The following TEPSIN variants were observed in gnomAD, a reference collection of about 807,000 sequenced individuals.
TEPSIN encodes TEPSIN adaptor related protein complex 4 accessory protein.
Under a neutral mutation model 48.5 loss-of-function variants are expected in TEPSIN, and 50 were observed. That is an observed-to-expected ratio of 1.03 (90% confidence interval 0.82 to 1.31). The LOEUF is 1.31. Ranked by LOEUF, TEPSIN falls within the 50% of genes most tolerant of loss-of-function variation. TEPSIN has a pLI of 0.00. For missense variants in TEPSIN, 838 were observed against 815.9 expected, an observed-to-expected ratio of 1.03 and a Z score of -0.33; for synonymous variants, 392 against 358.8, an observed-to-expected ratio of 1.09 and a Z score of -1.05.
rs2062671363 is a variant in TEPSIN, at chr17:81,233,849, C to T, written c.375+132G>A. ...ACTCAGCTGGACACAGGCTCTGTGT[C>T]CACCAGCAAGGAGCAGAGGCAGGGG... is the stretch of plus-strand genomic sequence containing the variant. On this transcript the variant is annotated intron_variant, in intron 5 of 12. Coordinates refer to ENST00000637944, the MANE Select transcript of TEPSIN (RefSeq NM_001363764.2). The surrounding 1 kb of genome is among the most constrained non-coding windows in gnomAD (Gnocchi z 5.8). 5.9e-6 allele frequency: 8 copies of T among 1,366,926 alleles called. No homozygotes were observed. Among genetic ancestry groups the T allele is most frequent in the Non-Finnish European group, 7.9e-6 (8 of 1,013,750 alleles). The allele number at this position is 1,366,926 out of a possible 1,614,324, so 84.7% of individuals were successfully genotyped here.
At chr17:81,229,624 T>A in intron 12 of TEPSIN, 148 bp from the exon 13 acceptor site, 1 of 811,160 alleles carries the variant, frequency 1.2e-6, no homozygotes, top group Non-Finnish European at 2.0e-6. Flanking sequence ...TGGGAGGGGC[T>A]GGGGCAGTGC....
chr17:81,234,230 G>T lies in TEPSIN; in HGVS notation c.308-182C>A. On this transcript the variant is annotated intron_variant, in intron 4 of 12. Transcript: ENST00000637944. This position sits in a 1 kb window ranked among gnomAD's most constrained non-coding sequence, Gnocchi z 5.4. ...GAGGCCACACCTGAGCAGACCCTCA[G>T]CTCCCCCTCACCCATGCCCCACAGA... 1 of 476,620 alleles carries T rather than the reference G, an allele frequency of 2.1e-6. No homozygotes were observed. The allele number at this position is 476,620 out of a possible 1,614,324, so 29.5% of individuals were successfully genotyped here.
rs556770068 is a variant in TEPSIN at position 81,229,114 on chromosome 17, C to A, written c.1596G>T (p.Ala532=). 1 of 1,613,284 alleles carries A rather than the reference C, an allele frequency of 6.2e-7. No individual in the cohort carries two copies. The highest frequency in any genetic ancestry group is 1.3e-5 in the African/African-American group (1 of 74,882). ...DSPKRGPSSC[A]WSRDSLFAGM... Reference sequence around the variant, plus strand: ...CAGCAAACAAGGAGTCGCGGCTCCACGCACAGCTGCTGGGGCCTCTCTTTG... The same window carrying A: ...CAGCAAACAAGGAGTCGCGGCTCCAAGCACAGCTGCTGGGGCCTCTCTTTG... Residue 532 remains alanine, a synonymous_variant, in exon 13 of 13, where the codon GCG becomes GCT. Transcript: ENST00000637944.
chr17:81,237,134 C>A, intron 2 of TEPSIN, 63 bp from the exon 3 acceptor site: 1 of 1,492,008 alleles, frequency 6.7e-7, no homozygotes, highest in African/African-American at 1.4e-5. Flanking sequence ...CGCAGGGAGA[C>A]CAGGCCATGG....
intron 4 of TEPSIN, among the ~76,000 whole-genome samples, chr17:81,235,045 G>A (rs549543227): frequency 3.0e-4 from 46 of 152,200 alleles, no homozygotes; most frequent in East Asian, 9.7e-4. Context: ...TTCTCCAGCC[G>A]GGAAGATGCC....
chr17:81,229,506 T>A, intron 12 of TEPSIN, 30 bp from the exon 13 acceptor site: 1 of 1,547,402 alleles, frequency 6.5e-7, no homozygotes, highest in Non-Finnish European at 8.7e-7. Flanking sequence ...CCAGGGAGGT[T>A]CCTATGCAAC....
At chr17:81,232,601 C>T (rs2062640051) in intron 7 of TEPSIN, 83 bp from the exon 8 acceptor site, 2 of 1,308,288 alleles carry the variant, frequency 1.5e-6, no homozygotes, top group African/African-American at 1.5e-5. Flanking sequence ...CCCGCATCGG[C>T]TCCCTGCTCA....
In TEPSIN at chr17:81,231,709, C is replaced by T. The variant is rs370267135; in HGVS notation, c.906-18G>A. 135 of 1,610,074 alleles carry T rather than the reference C, an allele frequency of 8.4e-5. No homozygotes were observed. Among genetic ancestry groups the T allele is most frequent in the Non-Finnish European group, 1.0e-4 (123 of 1,178,404 alleles). ...CCTCGACCCTGCCAGGGGGAATGGC[C>T]GGGTCAAGGGTGAGTGGAGGCCATG... is the stretch of plus-strand genomic sequence containing the variant. On this transcript the variant is annotated intron_variant, in intron 9 of 12. Transcript: ENST00000637944.
chr17:81,230,356 G>A lies in TEPSIN; in HGVS notation c.1233+188C>T, dbSNP rs770204504. On this transcript the variant is annotated intron_variant, in intron 12 of 12. Transcript: ENST00000637944. This position sits in a 1 kb window ranked among gnomAD's most constrained non-coding sequence, Gnocchi z 4.2. ...GTGCTGCAGAGTTTGGGTGGAAGGCGGGAAGGCAATGGGGAGGTGAGGACC... is the reference window on the plus strand; with the variant it reads ...GTGCTGCAGAGTTTGGGTGGAAGGCAGGAAGGCAATGGGGAGGTGAGGACC... 5.7e-4 allele frequency: 405 copies of A among 713,270 alleles called. No individual in the cohort carries two copies. Among genetic ancestry groups the A allele is most frequent in the Non-Finnish European group, 8.1e-4 (359 of 445,204 alleles). 44.2% of individuals were successfully genotyped at this position (713,270 alleles called of 1,614,324 possible). A position where few individuals can be genotyped will look rare whatever the true frequency, so the allele number is the denominator to read the frequency against.
chr17:81,232,071 C>T (rs1192476418), intron 8 of TEPSIN, 50 bp from the exon 9 acceptor site: 2 of 1,576,620 alleles, frequency 1.3e-6, no homozygotes, highest in Admixed American at 3.4e-5. Context: ...CAGGCCAGCC[C>T]CATGCCCACC....
chr17:81,228,642 A>T lies in TEPSIN; in HGVS notation c.*286T>A. 2.0e-6 allele frequency: 1 copy of T among 502,754 alleles called. No individual in the cohort carries two copies. The highest frequency in any genetic ancestry group is 3.5e-6 in the Non-Finnish European group (1 of 287,744). The allele number at this position is 502,754 out of a possible 1,614,324, so 31.1% of individuals were successfully genotyped here. On this transcript the variant is annotated 3_prime_UTR_variant, in exon 13 of 13. Transcript: ENST00000637944. ...GAACCTGGTAGTCGCTTCCGCATTCATACAAGAAACCTCATGTCTGAGAGC... is the reference window on the plus strand; with the variant it reads ...GAACCTGGTAGTCGCTTCCGCATTCTTACAAGAAACCTCATGTCTGAGAGC...
chr17:81,237,323 T>C (rs1211294643), intron 2 of TEPSIN, 64 bp downstream of exon 2: 4 of 1,549,788 alleles, frequency 2.6e-6, no homozygotes, highest in Admixed American at 3.7e-5. Flanking sequence ...CAGGAACCCT[T>C]TGCACCACTC....
intron 10 of TEPSIN, 22 bp from the exon 11 acceptor site, chr17:81,231,498 G>A (rs1487773845): frequency 6.4e-7 from 1 of 1,566,334 alleles, no homozygotes. Context: ...GGACACCTGG[G>A]TGGCGGGTGC....
At chr17:81,229,543 G>T in intron 12 of TEPSIN, 67 bp from the exon 13 acceptor site, 2 of 1,500,928 alleles carry the variant, frequency 1.3e-6, no homozygotes, top group Non-Finnish European at 1.8e-6. Context: ...ACCAGGGCCC[G>T]CTTCTCCCTA....
intron 1 of TEPSIN, chr17:81,238,012 A>G: frequency 1.0e-6 from 1 of 996,702 alleles, no homozygotes; most frequent in Non-Finnish European, 1.2e-6. Flanking sequence ...TGGCACAAAG[A>G]TGTACGGTTT....
Position 81,228,943 on chromosome 17 carries a change from C to T in TEPSIN, c.1767G>A (p.Ala589=), listed in dbSNP as rs145674229. ...EPPGSEPSAF[A]FLNA ...GGCCATCGGGTCAGGCGTTCAGGAA[C>T]GCGAAAGCTGACGGCTCTGAGCCAG... The change falls in exon 13 of 13, where the codon GCG becomes GCA. Residue 589 remains alanine, a synonymous_variant. Transcript: ENST00000637944. The T allele has an allele frequency of 1.8e-3, 2,980 of 1,613,544 alleles. 49 individuals carry two copies. In the African/African-American group the frequency reaches 0.034, roughly 19 times the overall value.
In TEPSIN at chr17:81,229,311, C is replaced by G; in HGVS notation, c.1399G>C (p.Val467Leu). The change falls in exon 13 of 13, where the codon GTC becomes CTC. Residue 467 changes from valine to leucine, a missense_variant. Transcript: ENST00000637944. ...GAGGGAGCAGGGCTCCGGGACGAGACCGGGGTTGAACTCAGAGGCTGCAGG... is the reference window on the plus strand; with the variant it reads ...GAGGGAGCAGGGCTCCGGGACGAGAGCGGGGTTGAACTCAGAGGCTGCAGG... The part of the protein sequence containing the change: ...VFLQPLSSTP[V>L]SSRSPAPSSG... 6.4e-7 allele frequency: 1 copy of G among 1,570,780 alleles called. No homozygotes were observed. Among genetic ancestry groups the G allele is most frequent in the Non-Finnish European group, 8.6e-7 (1 of 1,158,300 alleles).
At chr17:81,235,794 C>A (rs955415779) in intron 4 of TEPSIN, among the ~76,000 whole-genome samples, 1 of 152,244 alleles carries the variant, frequency 6.6e-6, no homozygotes, top group African/African-American at 2.4e-5. Context: ...ACTGCCGTCC[C>A]CTCAGGGGCA....
rs1485516350 is a variant in TEPSIN, at chr17:81,236,806, G to A, written c.214-5C>T. 1 of 1,559,766 alleles carries A rather than the reference G, an allele frequency of 6.4e-7. No homozygotes were observed. Among genetic ancestry groups the A allele is most frequent in the Non-Finnish European group, 8.7e-7 (1 of 1,152,780 alleles). Reference sequence around the variant, plus strand: ...ATAGAGCAGGATCTTCAGCACCTGGGGAGTGGGGCGGTCAGCAGTGCTGGG... The same window carrying A: ...ATAGAGCAGGATCTTCAGCACCTGGAGAGTGGGGCGGTCAGCAGTGCTGGG... On this transcript the variant is annotated splice_region_variant and splice_polypyrimidine_tract_variant and intron_variant, in intron 3 of 12. Transcript: ENST00000637944.
Sources: gnomAD v4.1 joint callset for allele counts (sites outside exome capture counted in the v4.1 genomes callset) on GRCh38, gnomAD v4.1.1 for gene constraint, Gnocchi (gnomAD v3.1) non-coding constraint, MANE v1.5 for transcripts, NCBI Gene and HGNC (gene_info 2026-07-23, HGNC 2026-07-21) for gene names.